The following COL20A1 variants were observed in gnomAD, a reference collection of about 807,000 sequenced individuals.
COL20A1 encodes collagen type XX alpha 1 chain.
In COL20A1, 164 loss-of-function variants were observed where a neutral mutation model predicts 152.9. The observed-to-expected ratio is 1.07, with a 90% CI of 0.94 to 1.22. COL20A1 has a LOEUF of 1.22. Ranked by LOEUF, COL20A1 falls within the 50% of genes most tolerant of loss-of-function variation. The pLI is 0.00. For synonymous variants in COL20A1, 864 were observed against 756.0 expected, an observed-to-expected ratio of 1.14 and a Z score of -2.34; for missense variants, 1,873 against 1,744.8, an observed-to-expected ratio of 1.07 and a Z score of -1.31.
At chr20:63,308,502 G>A in intron 7 of COL20A1, 40 bp from the exon 8 acceptor site, 1 of 1,507,658 alleles carries the variant, frequency 6.6e-7, no homozygotes. Flanking sequence ...AGGAGGGGAT[G>A]CTGGCAGCTG....
At chr20:63,326,178 C>A in intron 30 of COL20A1, 29 bp downstream of exon 30, 1 of 1,583,728 alleles carries the variant, frequency 6.3e-7, no homozygotes, top group Non-Finnish European at 8.7e-7. Flanking sequence ...TGACCCCGAC[C>A]CCCACCCAGG....
chr20:63,301,586 C>T (rs1316607529), intron 3 of COL20A1, among the ~76,000 whole-genome samples: 1 of 152,160 alleles, frequency 6.6e-6, no homozygotes, highest in East Asian at 1.9e-4. Context: ...ATGCATGAGG[C>T]TCTGTTATTG....
In COL20A1 at chr20:63,308,014, G is replaced by A. The variant is rs1259233848; in HGVS notation, c.699G>A (p.Leu233=). The A allele has an allele frequency of 6.2e-7, 1 of 1,612,634 alleles. No individual in the cohort carries two copies. Among genetic ancestry groups the A allele is most frequent in the East Asian group, 2.2e-5 (1 of 44,880 alleles). ...YSGDAQTEWD[L]NSLSTKEQVL... ...GGGATGCTCAGACTGAGTGGGACCT[G>A]AACTCCCTCAGCACCAAGGAACAGG... Residue 233 remains leucine, a synonymous_variant, in exon 7 of 36, where the codon CTG becomes CTA. Transcript: ENST00000358894.
Position 63,297,448 on chromosome 20 carries a change from G to A in COL20A1, c.83-462G>A, listed in dbSNP as rs1336874003. ...GGACTTAGCTCAGGGGACCCAGCCC[G>A]GGGACTCAGCCCAGGGGCCCCAGCT... is the stretch of plus-strand genomic sequence containing the variant. On this transcript the variant is annotated intron_variant, in intron 2 of 35. Coordinates refer to ENST00000358894, the MANE Select transcript of COL20A1 (RefSeq NM_020882.4). 2.0e-5 allele frequency among the ~76,000 whole-genome samples: 3 copies of A among 149,978 alleles called. No individual in the cohort carries two copies. In the South Asian group the frequency reaches 6.4e-4, roughly 32 times the overall value.
chr20:63,308,506 G>A, intron 7 of COL20A1, 36 bp from the exon 8 acceptor site: 1 of 1,516,710 alleles, frequency 6.6e-7, no homozygotes, highest in Non-Finnish European at 8.9e-7. Context: ...GGGGATGCTG[G>A]CAGCTGCCTG....
At chr20:63,325,211 C>T (rs2068224812) in intron 27 of COL20A1, 3 of 680,782 alleles carry the variant, frequency 4.4e-6, no homozygotes, top group Non-Finnish European at 8.1e-6. Flanking sequence ...CCAGAGGGGC[C>T]ACAGGAGGGG....
intron 34 of COL20A1, chr20:63,329,269 G>A: frequency 6.0e-6 from 2 of 330,978 alleles, no homozygotes; most frequent in South Asian, 1.2e-4. Flanking sequence ...CAGATGAGGG[G>A]TACATCACTA....
chr20:63,311,931 CG>C lies in COL20A1; in HGVS notation c.1680del (p.Arg561AspfsTer8). ...TGCTTTGCAGCCACCCTGGCCCCCCCGAGACACCTGGGCTTCTCAGACGTGA... is the reference window on the plus strand; with the variant it reads ...TGCTTTGCAGCCACCCTGGCCCCCCCAGACACCTGGGCTTCTCAGACGTGA... ...IRARTPTLAP[P>X]RHLGFSDVSH... On this transcript the variant is annotated frameshift_variant, in exon 14 of 36. Coordinates refer to ENST00000358894, the MANE Select transcript of COL20A1 (RefSeq NM_020882.4). LOFTEE classifies it high-confidence loss of function. The surrounding 1 kb of genome is among the most constrained non-coding windows in gnomAD (Gnocchi z 4.4). 6.4e-7 allele frequency: 1 copy of C among 1,565,624 alleles called. No homozygotes were observed. The highest frequency in any genetic ancestry group is 1.8e-5 in the Admixed American group (1 of 54,084).
intron 2 of COL20A1, among the ~76,000 whole-genome samples, chr20:63,297,687 C>G (rs536953060): frequency 6.6e-6 from 1 of 152,218 alleles, no homozygotes; most frequent in East Asian, 1.9e-4. Context: ...CTGCGGACCC[C>G]GGGGAGGGCC....
rs779629994 is a variant in COL20A1, at chr20:63,313,217, G to A, written c.2177G>A (p.Arg726His). The A allele has an allele frequency of 2.2e-5, 36 of 1,612,120 alleles. No homozygotes were observed. Among genetic ancestry groups the A allele is most frequent in the Non-Finnish European group, 2.8e-5 (33 of 1,179,534 alleles). The stretch of plus-strand genomic sequence containing the variant: ...TTGGCCTACTACAGGGACGGGGCCC[G>A]CAGTGACCCTGTGTCCCTCCGCTAT... ...TILAYYRDGA[R>H]SDPVSLRYTP... The change falls in exon 17 of 36, where the codon CGC becomes CAC. Residue 726 changes from arginine to histidine, a missense_variant. Physicochemically the swap from Arg to His is conservative, Grantham distance 29. Coordinates refer to ENST00000358894, the MANE Select transcript of COL20A1 (RefSeq NM_020882.4). The surrounding 1 kb of genome is among the most constrained non-coding windows in gnomAD (Gnocchi z 5.9).
At chr20:63,304,745 G>T (rs922598471) in intron 3 of COL20A1, among the ~76,000 whole-genome samples, 1 of 151,902 alleles carries the variant, frequency 6.6e-6, no homozygotes, top group Non-Finnish European at 1.5e-5. Flanking sequence ...CCCTCGAGGT[G>T]TGCAAGTGTG....
In COL20A1 at chr20:63,312,943, G is replaced by A. The variant is rs1308167422; in HGVS notation, c.2076+9G>A. The A allele has an allele frequency of 3.2e-6, 5 of 1,542,800 alleles. No homozygotes were observed. The South Asian group carries it at 4.8e-5, about 15-fold the overall frequency. ...AGGGGAAGGCTCACGAGGTGGGCAGGGGTGGGTTTGTCCTTCCGAGGGGCC... is the reference window on the plus strand; with the variant it reads ...AGGGGAAGGCTCACGAGGTGGGCAGAGGTGGGTTTGTCCTTCCGAGGGGCC... On this transcript the variant is annotated intron_variant, in intron 16 of 35. Coordinates refer to ENST00000358894, the MANE Select transcript of COL20A1 (RefSeq NM_020882.4).
At chr20:63,327,639 G>A (rs370125480) in intron 31 of COL20A1, 70 of 428,434 alleles carry the variant, frequency 1.6e-4, no homozygotes, top group African/African-American at 1.3e-3. Context: ...GGAGGGGTCT[G>A]TTCTCTGGGC....
In COL20A1 at chr20:63,311,557, G is replaced by A; in HGVS notation, c.1539+18G>A. 3 of 1,604,838 alleles carry A rather than the reference G, an allele frequency of 1.9e-6. No individual in the cohort carries two copies. The highest frequency in any genetic ancestry group is 2.5e-6 in the Non-Finnish European group (3 of 1,176,646). On this transcript the variant is annotated intron_variant, in intron 12 of 35. Coordinates refer to ENST00000358894, the MANE Select transcript of COL20A1 (RefSeq NM_020882.4). This position sits in a 1 kb window ranked among gnomAD's most constrained non-coding sequence, Gnocchi z 4.4. ...AGCGAGAGGTGAGCTGGGCCGGGGGGTGGCGGGGGAGGCAGAGGAGTGGGG... is the reference window on the plus strand; with the variant it reads ...AGCGAGAGGTGAGCTGGGCCGGGGGATGGCGGGGGAGGCAGAGGAGTGGGG...
At chr20:63,307,767 G>A (rs1035838181) in intron 6 of COL20A1, 119 bp downstream of exon 6, 139 of 1,260,286 alleles carry the variant, frequency 1.1e-4, no homozygotes, top group African/African-American at 8.3e-4. Context: ...CTTGTGGGGT[G>A]GGACGCCTGC....
chr20:63,329,214 G>A (rs76545232), intron 34 of COL20A1: 10,805 of 233,482 alleles, frequency 0.046, 329 homozygotes, highest in Middle Eastern at 0.08. Context: ...GGGAACCCCT[G>A]CCCCCGGCTT....
At position 63,293,840 on chromosome 20, in the gene COL20A1, C is replaced by T. The variant is rs1321864260; in HGVS notation, c.-11+565C>T. Among the ~76,000 whole-genome samples, 9 of 141,472 alleles carry T rather than the reference C, an allele frequency of 6.4e-5. No individual in the cohort carries two copies. The Admixed American group carries it at 6.5e-4, about 10-fold the overall frequency. 92.8% of individuals were successfully genotyped at this position (141,472 alleles called of 152,430 possible). A position where few individuals can be genotyped will look rare whatever the true frequency, so the allele number is the denominator to read the frequency against. On this transcript the variant is annotated intron_variant, in intron 1 of 35. Coordinates refer to ENST00000358894, the MANE Select transcript of COL20A1 (RefSeq NM_020882.4). ...CCTTTCCCTTGCAGAGGAGCAGATTCCCTGGTGGGGATACTGGGGTCACAC... is the reference window on the plus strand; with the variant it reads ...CCTTTCCCTTGCAGAGGAGCAGATTTCCTGGTGGGGATACTGGGGTCACAC...
At chr20:63,307,447 G>A (rs1268002277) in intron 5 of COL20A1, 43 bp from the exon 6 acceptor site, 4 of 1,581,310 alleles carry the variant, frequency 2.5e-6, no homozygotes, top group African/African-American at 2.7e-5. Context: ...CTTGGACCAG[G>A]GATGGGCCTC....
chr20:63,301,813 C>T (rs2067866036), intron 3 of COL20A1, among the ~76,000 whole-genome samples: 1 of 152,128 alleles, frequency 6.6e-6, no homozygotes, highest in African/African-American at 2.4e-5. Context: ...GTCTTCTAAG[C>T]AGCATATAAT....
Sources: allele counts gnomAD v4.1 joint callset (sites outside exome capture counted in the v4.1 genomes callset), GRCh38; gene constraint gnomAD v4.1.1; non-coding constraint Gnocchi (gnomAD v3.1); transcripts MANE v1.5; gene names NCBI Gene and HGNC (gene_info 2026-07-23, HGNC 2026-07-21).